Variants in SH3PXD2B observed in about 807,000 individuals in gnomAD.
SH3PXD2B encodes SH3 and PX domains 2B, also known as SH3 and PX domain-containing protein 2B.
In SH3PXD2B, 37 loss-of-function variants were observed where a neutral mutation model predicts 73.1. The ratio of observed to expected loss-of-function variants is 0.51; its 90% confidence interval spans 0.39 to 0.67. SH3PXD2B has a LOEUF of 0.67. SH3PXD2B is among the 30% of genes least tolerant of loss of function. SH3PXD2B has a pLI of 0.00. For missense variants in SH3PXD2B, 1,053 were observed against 1,197.8 expected, an observed-to-expected ratio of 0.88 and a Z score of 1.78; for synonymous variants, 457 against 480.5, an observed-to-expected ratio of 0.95 and a Z score of 0.64.
At chr5:172,424,110 C>A (rs984583509) in intron 1 of SH3PXD2B, among the ~76,000 whole-genome samples, 1 of 152,198 alleles carries the variant, frequency 6.6e-6, no homozygotes, top group Non-Finnish European at 1.5e-5. Flanking sequence ...AAGCTTACAT[C>A]CAGCTCTGCC....
rs1159666601 is a variant in SH3PXD2B, at chr5:172,353,984, T to C, written c.689A>G (p.Tyr230Cys). 6.2e-7 allele frequency: 1 copy of C among 1,614,002 alleles called. No homozygotes were observed. Residue 230 changes from tyrosine (Y) to cysteine (C), a missense_variant, in exon 9 of 13, where the codon TAC becomes TGC. Around this residue, in one of 2 missense-constraint regions of SH3PXD2B, gnomAD observed 466 missense variants for 607.1 expected, o/e 0.77. Transcript: ENST00000311601. The surrounding 1 kb of genome is among the most constrained non-coding windows in gnomAD (Gnocchi z 4.3). ...ATCCTGGTCCCGAGCTGTGTACGGG[T>C]AGATGACTGTGTACTTCTCCTCTGT... ...PEEEEKYTVI[Y>C]PYTARDQDEM...
chr5:172,363,212 C>T (rs1757437132), intron 6 of SH3PXD2B, among the ~76,000 whole-genome samples: 1 of 152,114 alleles, frequency 6.6e-6, no homozygotes. Flanking sequence ...CATTATCCAT[C>T]CATCCAAACA....
intron 1 of SH3PXD2B, among the ~76,000 whole-genome samples, chr5:172,444,787 C>A (rs1759626199): frequency 6.6e-6 from 1 of 152,128 alleles, no homozygotes; most frequent in African/African-American, 2.4e-5. Context: ...TGGGGAAGTG[C>A]TTCTGAGCAC....
At chr5:172,430,160 A>C (rs932070208) in intron 1 of SH3PXD2B, among the ~76,000 whole-genome samples, 1 of 152,214 alleles carries the variant, frequency 6.6e-6, no homozygotes, top group Non-Finnish European at 1.5e-5. Flanking sequence ...GGATATGGTA[A>C]ATGTTCCATA....
At chr5:172,454,179 C>A in intron 1 of SH3PXD2B, 99 bp downstream of exon 1, 1 of 965,578 alleles carries the variant, frequency 1.0e-6, no homozygotes, top group Non-Finnish European at 1.5e-6. Context: ...GAGGAGGGGA[C>A]GGGAAGCGCT....
chr5:172,445,304 GCTC>G lies in SH3PXD2B; in HGVS notation c.75+8971_75+8973del, dbSNP rs1246373355. Among the ~76,000 whole-genome samples the G allele has an allele frequency of 6.6e-6, 1 of 152,210 alleles. No individual in the cohort carries two copies. Among genetic ancestry groups the G allele is most frequent in the Non-Finnish European group, 1.5e-5 (1 of 68,040 alleles). On this transcript the variant is annotated intron_variant, in intron 1 of 12. Transcript: ENST00000311601. The surrounding 1 kb of genome is among the most constrained non-coding windows in gnomAD (Gnocchi z 5.2). ...GCTCACTGCAGCCTCCATCTCCTGG[GCTC>G]AAGCGATCTTCCTGCCTCAGCCTCT...
intron 1 of SH3PXD2B, among the ~76,000 whole-genome samples, chr5:172,431,884 C>T (rs368085061): frequency 1.3e-5 from 2 of 152,118 alleles, no homozygotes; most frequent in Admixed American, 6.5e-5. Context: ...CTTATTTAGG[C>T]CGGGCGCAGT....
At chr5:172,362,075 T>C (rs1428637000) in intron 7 of SH3PXD2B, among the ~76,000 whole-genome samples, 1 of 152,226 alleles carries the variant, frequency 6.6e-6, no homozygotes. Context: ...AAACCCACAT[T>C]TTTTTGAGCA....
downstream of SH3PXD2B, among the ~76,000 whole-genome samples, chr5:172,330,439 T>C (rs1756533195): frequency 6.6e-6 from 1 of 152,206 alleles, no homozygotes; most frequent in African/African-American, 2.4e-5. Context: ...GTTTATTACA[T>C]GAAACGTTGC....
At chr5:172,369,314 A>T (rs936619606) in intron 6 of SH3PXD2B, among the ~76,000 whole-genome samples, 2 of 151,738 alleles carry the variant, frequency 1.3e-5, no homozygotes, top group Non-Finnish European at 2.9e-5. Context: ...AAGAATTATT[A>T]TTATTATTGG....
At chr5:172,368,405 G>A (rs1299051733) in intron 6 of SH3PXD2B, among the ~76,000 whole-genome samples, 1 of 137,536 alleles carries the variant, frequency 7.3e-6, no homozygotes, top group Non-Finnish European at 1.5e-5. Context: ...ACTGCCTAAC[G>A]GCTCGTAGGC....
chr5:172,332,212 C>T (rs1484272393), downstream of SH3PXD2B, among the ~76,000 whole-genome samples: 3 of 151,796 alleles, frequency 2.0e-5, no homozygotes, highest in Non-Finnish European at 4.4e-5. Flanking sequence ...CTTGGGTGAA[C>T]CTGCTCCTAT....
rs1358656447 is a variant in SH3PXD2B, at chr5:172,414,440, G to C, written c.156+7976C>G. On this transcript the variant is annotated intron_variant, in intron 2 of 12. Coordinates refer to ENST00000311601, the MANE Select transcript of SH3PXD2B (RefSeq NM_001017995.3). ...GCCGAGATCGCGCCACTGCACTCCAGAGCGAGACTCCATCTTAAAAAAAAA... is the reference window on the plus strand; with the variant it reads ...GCCGAGATCGCGCCACTGCACTCCACAGCGAGACTCCATCTTAAAAAAAAA... Among the ~76,000 whole-genome samples the C allele has an allele frequency of 3.1e-5, 4 of 128,316 alleles. No homozygotes were observed. The East Asian group carries it at 9.9e-4, about 32-fold the overall frequency. The allele number at this position is 128,316 out of a possible 152,430, so 84.2% of individuals were successfully genotyped here.
chr5:172,338,699 T>C lies in SH3PXD2B; in HGVS notation c.2406A>G (p.Pro802=). The change falls in exon 13 of 13, where the codon CCA becomes CCG. Residue 802 remains proline, a synonymous_variant. Coordinates refer to ENST00000311601, the MANE Select transcript of SH3PXD2B (RefSeq NM_001017995.3). The surrounding 1 kb of genome is among the most constrained non-coding windows in gnomAD (Gnocchi z 5.1). The part of the protein sequence containing the change: ...PTPGRALLVP[P]KAKPFLSNSL... ...AGTTGGAGAGAAAAGGTTTGGCTTT[T>C]GGAGGGACGAGGAGAGCACGGCCTG... 6.2e-7 allele frequency: 1 copy of C among 1,614,170 alleles called. No individual in the cohort carries two copies. Among genetic ancestry groups the C allele is most frequent in the Non-Finnish European group, 8.5e-7 (1 of 1,180,020 alleles).
intron 5 of SH3PXD2B, among the ~76,000 whole-genome samples, chr5:172,377,932 C>T (rs1292542894): frequency 6.6e-6 from 1 of 152,192 alleles, no homozygotes; most frequent in African/African-American, 2.4e-5. Context: ...CCCTATCTGG[C>T]TGATGAATGA....
At chr5:172,377,287 G>A (rs551626165) in intron 5 of SH3PXD2B, among the ~76,000 whole-genome samples, 9 of 152,218 alleles carry the variant, frequency 5.9e-5, no homozygotes, top group South Asian at 2.1e-4. Flanking sequence ...TAGGAAAGAC[G>A]CCCAAAGTCC....
chr5:172,360,469 G>C lies in SH3PXD2B; in HGVS notation c.563-1592C>G, dbSNP rs574110209. 5.6e-4 allele frequency among the ~76,000 whole-genome samples: 86 copies of C among 152,320 alleles called. 1 individual carries two copies. Among genetic ancestry groups the C allele is most frequent in the Middle Eastern group, 6.8e-3 (2 of 294 alleles). On this transcript the variant is annotated intron_variant, in intron 7 of 12. Transcript: ENST00000311601. Reference sequence around the variant, plus strand: ...TTCACTAATGCCTCACACACTGCTGGAGGGAGGATAAATCAAAACAGCCAC... The same window carrying C: ...TTCACTAATGCCTCACACACTGCTGCAGGGAGGATAAATCAAAACAGCCAC...
rs148286800 is a variant in SH3PXD2B, at chr5:172,347,081, C to T, written c.1062+202G>A. Among the ~76,000 whole-genome samples, 467 of 152,270 alleles carry T rather than the reference C, an allele frequency of 3.1e-3. 5 individuals are homozygous for T. Among genetic ancestry groups the T allele is most frequent in the African/African-American group, 0.01 (428 of 41,534 alleles). Reference sequence around the variant, plus strand: ...CTGTCACAGGAGCACTCTGGCCCCGCGGGCAAACTGTTTCACCTGCCTGCA... The same window carrying T: ...CTGTCACAGGAGCACTCTGGCCCCGTGGGCAAACTGTTTCACCTGCCTGCA... On this transcript the variant is annotated intron_variant, in intron 11 of 12. Transcript: ENST00000311601.
chr5:172,335,702 G>A lies in SH3PXD2B; in HGVS notation c.*2667C>T, dbSNP rs1756673128. The A allele has an allele frequency of 8.1e-7, 1 of 1,231,624 alleles. No individual in the cohort carries two copies. Among genetic ancestry groups the A allele is most frequent in the African/African-American group, 1.6e-5 (1 of 64,404 alleles). The allele number at this position is 1,231,624 out of a possible 1,614,324, so 76.3% of individuals were successfully genotyped here. A position where few individuals can be genotyped will look rare whatever the true frequency, so the allele number is the denominator to read the frequency against. On this transcript the variant is annotated 3_prime_UTR_variant, in exon 13 of 13. Transcript: ENST00000311601. ...TGCGCCATCAATCGCTCACAGAATA[G>A]CGACCACAGTCCTGGATGGGGTAAA...
Sources: gnomAD v4.1 joint callset for allele counts (sites outside exome capture counted in the v4.1 genomes callset) on GRCh38, gnomAD v4.1.1 for gene constraint, gnomAD v4.1.1 regional missense constraint, Gnocchi (gnomAD v3.1) non-coding constraint, MANE v1.5 for transcripts, NCBI Gene and HGNC (gene_info 2026-07-23, HGNC 2026-07-21) for gene names.